GALNTL5: variants seen among roughly 807,000 people sequenced by gnomAD.
The protein encoded by GALNTL5 is polypeptide N-acetylgalactosaminyltransferase like 5.
A neutral mutation model predicts 51.0 loss-of-function variants in GALNTL5; 44 were observed. The ratio of observed to expected loss-of-function variants is 0.86; its 90% CI spans 0.68 to 1.11. The LOEUF (loss-of-function observed/expected upper bound fraction) is 1.11. Ranked by LOEUF, GALNTL5 falls within the 50% of genes least tolerant of loss-of-function variation. The probability of loss-of-function intolerance (pLI) is 0.00; values close to 1 mark genes in which losing one functional copy is unlikely to be tolerated. For missense variants in GALNTL5, 528 were observed against 531.8 expected, an observed-to-expected ratio of 0.99 and a Z score of 0.07; for synonymous variants, 192 against 182.8, an observed-to-expected ratio of 1.05 and a Z score of -0.41.
chr7:151,988,508 G>C (rs923494559), intron 5 of GALNTL5, among the ~76,000 whole-genome samples: 3 of 151,980 alleles, frequency 2.0e-5, no homozygotes, highest in African/African-American at 7.3e-5. Context: ...AAACAAAATT[G>C]GACTCTCTTT....
Position 151,983,049 on chromosome 7 carries a change from T to C in GALNTL5, c.432T>C (p.Asn144=). ...PTASIVICFY[N]EECNALFQTM... is the part of the protein sequence containing the mutation. ...CCAGCATTGTCATTTGCTTCTATAA[T>C]GAAGAATGTAATGCCTTGTTTCAGA... Residue 144 remains asparagine (N), a synonymous_variant, in exon 4 of 9, where the codon AAT becomes AAC. Transcript: ENST00000392800. The C allele has an allele frequency of 6.2e-7, 1 of 1,614,194 alleles. No individual in the cohort carries two copies. Among genetic ancestry groups the C allele is most frequent in the Non-Finnish European group, 8.5e-7 (1 of 1,180,016 alleles).
intron 4 of GALNTL5, chr7:151,985,612 A>C (rs1451866500): frequency 6.6e-6 from 1 of 152,528 alleles, no homozygotes; most frequent in African/African-American, 2.4e-5. Flanking sequence ...TGGCCTGTCC[A>C]TGACCTGCTG....
chr7:151,968,750 C>G (rs1469490261), intron 2 of GALNTL5, among the ~76,000 whole-genome samples: 2 of 152,196 alleles, frequency 1.3e-5, no homozygotes, highest in Non-Finnish European at 2.9e-5. Context: ...CGTGAGTGTA[C>G]GAGAATCCCA....
intron 1 of GALNTL5, among the ~76,000 whole-genome samples, chr7:151,958,748 G>A (rs972209889): frequency 2.0e-5 from 3 of 152,152 alleles, no homozygotes; most frequent in African/African-American, 7.2e-5. Flanking sequence ...CCCATCATTC[G>A]GTGGGTCCCA....
chr7:151,981,590 C>A (rs1329590594), intron 3 of GALNTL5, among the ~76,000 whole-genome samples: 56 of 39,676 alleles, frequency 1.4e-3, no homozygotes, highest in African/African-American at 7.3e-3. Context: ...TCCTTCCTTC[C>A]CTCCTTCCTT....
At chr7:151,987,311 T>A in intron 5 of GALNTL5, 30 bp downstream of exon 5, 1 of 1,536,360 alleles carries the variant, frequency 6.5e-7, no homozygotes, top group Non-Finnish European at 8.7e-7. Flanking sequence ...CAAGAGCCAG[T>A]GACGGCGTCA....
Position 151,994,762 on chromosome 7 carries a change from A to AT in GALNTL5, c.658+7496dup, listed in dbSNP as rs55666718. On this transcript the variant is annotated intron_variant, in intron 5 of 8. Transcript: ENST00000392800. ...CTCTCTATCATCACCCTTACCCCCA[A>AT]TTTTTTTTTTTTTTTGACAGAGTCT... Among the ~76,000 whole-genome samples, 193 of 144,182 alleles carry AT rather than the reference A, an allele frequency of 1.3e-3. 2 individuals are homozygous for AT. Among genetic ancestry groups the AT allele is most frequent in the African/African-American group, 4.5e-3 (175 of 38,870 alleles). The allele number at this position is 144,182 out of a possible 152,430, so 94.6% of individuals were successfully genotyped here. A position where few individuals can be genotyped will look rare whatever the true frequency, so the allele number is the denominator to read the frequency against.
rs1288835475 is a variant in GALNTL5 at position 152,019,598 on chromosome 7, A to G, written c.1177-48A>G. On this transcript the variant is annotated intron_variant, in intron 8 of 8. Transcript: ENST00000392800. Reference sequence around the variant, plus strand: ...GTTAGATATAATCATTTGATCAGCAAAGATTTGTTTGGTTGAACGTAACGA... The same window carrying G: ...GTTAGATATAATCATTTGATCAGCAGAGATTTGTTTGGTTGAACGTAACGA... 4 of 1,551,754 alleles carry G rather than the reference A, an allele frequency of 2.6e-6. No individual in the cohort carries two copies. The East Asian group carries it at 9.0e-5, about 35-fold the overall frequency.
intron 1 of GALNTL5, among the ~76,000 whole-genome samples, chr7:151,957,034 C>T (rs979537216): frequency 3.3e-5 from 5 of 151,006 alleles, no homozygotes; most frequent in South Asian, 2.1e-4. Context: ...AAACTGGGCA[C>T]GGCAGCTGGC....
Position 152,014,714 on chromosome 7 carries a change from C to T in GALNTL5, c.1097C>T (p.Thr366Ile). 1.9e-6 allele frequency: 3 copies of T among 1,614,028 alleles called. No individual in the cohort carries two copies. The highest frequency in any genetic ancestry group is 2.5e-6 in the Non-Finnish European group (3 of 1,179,940). The change falls in exon 8 of 9, where the codon ACT (threonine) becomes ATT (isoleucine). Residue 366 changes from threonine (T) to isoleucine (I), a missense_variant. Coordinates refer to ENST00000392800, the MANE Select transcript of GALNTL5 (RefSeq NM_145292.4). Reference sequence around the variant, plus strand: ...GTAGGACATATCAGTAAGAAACAAACTGGAAAACCTTCTACAATCATCAGT... The same window carrying T: ...GTAGGACATATCAGTAAGAAACAAATTGGAAAACCTTCTACAATCATCAGT... ...SRVGHISKKQ[T>I]GKPSTIISAM...
intron 2 of GALNTL5, among the ~76,000 whole-genome samples, chr7:151,970,453 C>A (rs2081120235): frequency 6.6e-6 from 1 of 152,188 alleles, no homozygotes; most frequent in South Asian, 2.1e-4. Flanking sequence ...GAAGGTGGAG[C>A]CTGGCAGGAT....
chr7:151,987,071 A>G, intron 4 of GALNTL5, 88 bp from the exon 5 acceptor site: 1 of 1,183,982 alleles, frequency 8.4e-7, no homozygotes, highest in South Asian at 1.6e-5. Context: ...AATAGCATGG[A>G]TTTTAGGAAT....
intron 7 of GALNTL5, among the ~76,000 whole-genome samples, chr7:152,014,030 T>G (rs1189056049): frequency 6.6e-6 from 1 of 152,220 alleles, no homozygotes; most frequent in Non-Finnish European, 1.5e-5. Flanking sequence ...CAGCAATTCC[T>G]GTAGGTAATT....
intron 5 of GALNTL5, among the ~76,000 whole-genome samples, chr7:151,990,970 C>T (rs912754716): frequency 1.3e-5 from 2 of 152,298 alleles, no homozygotes; most frequent in East Asian, 3.9e-4. Context: ...TAGTAGCTAG[C>T]TTTAACATAA....
intron 3 of GALNTL5, among the ~76,000 whole-genome samples, chr7:151,981,214 T>G (rs925349065): frequency 6.6e-6 from 1 of 152,170 alleles, no homozygotes; most frequent in Non-Finnish European, 1.5e-5. Context: ...GAAATGCTGA[T>G]GTCAATCACA....
chr7:151,961,511 A>G (rs1208052800), intron 1 of GALNTL5, among the ~76,000 whole-genome samples: 2 of 152,186 alleles, frequency 1.3e-5, no homozygotes, highest in Non-Finnish European at 2.9e-5. Context: ...ACCCTTTCTC[A>G]AAACAAAACT....
intron 8 of GALNTL5, among the ~76,000 whole-genome samples, chr7:152,018,619 G>A (rs1334927696): frequency 1.3e-5 from 2 of 152,148 alleles, no homozygotes; most frequent in Non-Finnish European, 2.9e-5. Flanking sequence ...AGCACAATGG[G>A]AAATTTAGTG....
chr7:152,015,633 A>G (rs1467154226), intron 8 of GALNTL5, among the ~76,000 whole-genome samples: 1 of 151,698 alleles, frequency 6.6e-6, no homozygotes, highest in Non-Finnish European at 1.5e-5. Flanking sequence ...GCTGGGATTT[A>G]TAAGAGTGAG....
chr7:152,011,650 G>C (rs947915962), intron 7 of GALNTL5, among the ~76,000 whole-genome samples: 2 of 152,164 alleles, frequency 1.3e-5, no homozygotes, highest in African/African-American at 4.8e-5. Flanking sequence ...TGGATGCTCT[G>C]GTGTGAAAAC....
Sources: gnomAD v4.1 joint callset for allele counts (sites outside exome capture counted in the v4.1 genomes callset) on GRCh38, gnomAD v4.1.1 for gene constraint, MANE v1.5 for transcripts, NCBI Gene and HGNC (gene_info 2026-07-23, HGNC 2026-07-21) for gene names.